The following TMEM135 variants were observed in gnomAD, a reference collection of about 807,000 sequenced individuals.
TMEM135 encodes peroxisomal membrane protein 52.
A neutral mutation model predicts 60.3 loss-of-function variants in TMEM135; 30 were observed. That is an observed-to-expected ratio of 0.50 (90% CI 0.37 to 0.68). The LOEUF (loss-of-function observed/expected upper bound fraction) is 0.68, where lower values mean the gene tolerates loss of function less well. TMEM135 is among the 30% of genes least tolerant of loss of function. The pLI is 0.00. For missense variants in TMEM135, 468 were observed against 548.8 expected (o/e 0.85, Z 1.47); for synonymous variants, 190 against 186.7 (o/e 1.02, Z -0.14).
intron 3 of TMEM135, among the ~76,000 whole-genome samples, chr11:87,082,990 A>G (rs1371812859): frequency 6.6e-6 from 1 of 152,228 alleles, no homozygotes; most frequent in Non-Finnish European, 1.5e-5. Flanking sequence ...ATAGATATAA[A>G]TACATAGATA....
At chr11:87,175,260 C>T (rs1052236602) in intron 5 of TMEM135, among the ~76,000 whole-genome samples, 11 of 152,112 alleles carry the variant, frequency 7.2e-5, no homozygotes, top group Admixed American at 3.3e-4. Flanking sequence ...CATTAAGCTT[C>T]AGAATTTGTA....
chr11:87,315,492 T>C (rs1942712727), intron 12 of TMEM135, among the ~76,000 whole-genome samples: 2 of 151,892 alleles, frequency 1.3e-5, no homozygotes, highest in Admixed American at 1.3e-4. Flanking sequence ...TCAGTGGGCT[T>C]AGGTGTTGAT....
chr11:87,160,159 G>A (rs1374540322), intron 5 of TMEM135, among the ~76,000 whole-genome samples: 2 of 152,160 alleles, frequency 1.3e-5, no homozygotes, highest in African/African-American at 4.8e-5. Context: ...CCAGATACAT[G>A]ATGACAATAA....
chr11:87,060,510 T>C (rs1949935538), intron 1 of TMEM135, among the ~76,000 whole-genome samples: 2 of 152,240 alleles, frequency 1.3e-5, no homozygotes, highest in African/African-American at 4.8e-5. Flanking sequence ...TAAGTGATAA[T>C]TCTCCTTATT....
chr11:87,213,965 G>T (rs1940439329), intron 5 of TMEM135, among the ~76,000 whole-genome samples: 1 of 152,106 alleles, frequency 6.6e-6, no homozygotes, highest in Non-Finnish European at 1.5e-5. Flanking sequence ...CATAACTTCA[G>T]CCTTTGCTTC....
At chr11:87,168,488 G>A (rs1279293246) in intron 5 of TMEM135, among the ~76,000 whole-genome samples, 1 of 152,130 alleles carries the variant, frequency 6.6e-6, no homozygotes, top group Non-Finnish European at 1.5e-5. Flanking sequence ...GTGTCCCAGA[G>A]ATTCTGGTAC....
rs1941215281 is a variant in TMEM135, at chr11:87,244,599, A to G, written c.509+7915A>G. Among the ~76,000 whole-genome samples, 3 of 80,958 alleles carry G rather than the reference A, an allele frequency of 3.7e-5. 1 individual carries two copies. In the South Asian group the frequency reaches 1.2e-3, roughly 33 times the overall value. 53.1% of individuals were successfully genotyped at this position (80,958 alleles called of 152,430 possible). On this transcript the variant is annotated intron_variant, in intron 6 of 14. Transcript: ENST00000305494. ...CTTGGGAGGATGTATGTGTCGAGGA[A>G]TTCATCCATTTCTTCCACATTTTCT...
chr11:87,292,014 A>T (rs1192919367), intron 6 of TMEM135, among the ~76,000 whole-genome samples: 2 of 152,100 alleles, frequency 1.3e-5, no homozygotes, highest in Non-Finnish European at 2.9e-5. Context: ...ATTTTGCTCC[A>T]GCTACAGTAA....
intron 1 of TMEM135, among the ~76,000 whole-genome samples, chr11:87,055,969 GGACAGTTACTCCATA>G (rs1231932750): frequency 1.3e-5 from 2 of 152,108 alleles, no homozygotes; most frequent in Non-Finnish European, 2.9e-5. Context: ...AGTGGTGAAA[GGACAGTTACTCCATA>G]GACAGAGTAG....
chr11:87,323,426 T>A lies in TMEM135; in HGVS notation c.*2093T>A, dbSNP rs779864126. ...CAAACACAAAGAAACTTTGTGTTTT[T>A]GAAGACAATCAGAATGATTACCTTT... On this transcript the variant is annotated 3_prime_UTR_variant, in exon 15 of 15. Transcript: ENST00000305494. 2.2e-6 allele frequency: 1 copy of A among 454,020 alleles called. No homozygotes were observed. The highest frequency in any genetic ancestry group is 4.4e-6 in the Non-Finnish European group (1 of 226,730). The allele number at this position is 454,020 out of a possible 1,614,324, so 28.1% of individuals were successfully genotyped here. A position where few individuals can be genotyped will look rare whatever the true frequency, so the allele number is the denominator to read the frequency against.
chr11:87,116,618 C>T (rs1857887112), intron 4 of TMEM135, among the ~76,000 whole-genome samples: 1 of 101,814 alleles, frequency 9.8e-6, no homozygotes, highest in African/African-American at 3.4e-5. Flanking sequence ...TGTACAAACA[C>T]ACACACACAC....
chr11:87,259,787 T>C (rs1178300955), intron 6 of TMEM135, among the ~76,000 whole-genome samples: 1 of 152,186 alleles, frequency 6.6e-6, no homozygotes, highest in African/African-American at 2.4e-5. Context: ...CTAATAGAAA[T>C]GGGAGAAGCT....
At chr11:87,059,742 A>G (rs1395989046) in intron 1 of TMEM135, among the ~76,000 whole-genome samples, 1 of 152,228 alleles carries the variant, frequency 6.6e-6, no homozygotes, top group Non-Finnish European at 1.5e-5. Flanking sequence ...GGAAACTAGC[A>G]TTTTCAAAAT....
intron 9 of TMEM135, among the ~76,000 whole-genome samples, chr11:87,306,566 G>A (rs1942546923): frequency 1.3e-5 from 2 of 152,208 alleles, no homozygotes; most frequent in South Asian, 4.1e-4. Flanking sequence ...TGACTCCCTA[G>A]TGGACTTGAG....
intron 4 of TMEM135, among the ~76,000 whole-genome samples, chr11:87,109,675 ACTAT>A (rs1857692537): frequency 6.6e-6 from 1 of 152,176 alleles, no homozygotes; most frequent in African/African-American, 2.4e-5. Flanking sequence ...ATAAAGGGGG[ACTAT>A]TATATGTCAG....
intron 6 of TMEM135, among the ~76,000 whole-genome samples, chr11:87,293,362 A>G (rs1942297679): frequency 6.6e-6 from 1 of 151,096 alleles, no homozygotes. Context: ...GCTTAATTGA[A>G]ATTGAGTTTT....
rs1018558366 is a variant in TMEM135 at position 87,243,275 on chromosome 11, G to A, written c.509+6591G>A. Among the ~76,000 whole-genome samples the A allele has an allele frequency of 3.4e-5, 5 of 145,028 alleles. No individual in the cohort carries two copies. The East Asian group carries it at 7.8e-4, about 23-fold the overall frequency. On this transcript the variant is annotated intron_variant, in intron 6 of 14. Coordinates refer to ENST00000305494, the MANE Select transcript of TMEM135 (RefSeq NM_022918.4). ...CTGTAGCCTTGTAGTATAGTTTGAA[G>A]TGAGGTAGCATGATGCCTCCAGCTT...
intron 5 of TMEM135, among the ~76,000 whole-genome samples, chr11:87,202,957 C>T (rs1473741995): frequency 3.5e-5 from 5 of 141,204 alleles, no homozygotes; most frequent in South Asian, 4.6e-4. Context: ...GGCGTGAACC[C>T]GGGAGGCGGA....
intron 6 of TMEM135, among the ~76,000 whole-genome samples, chr11:87,240,931 T>C (rs1291718032): frequency 6.6e-6 from 1 of 152,170 alleles, no homozygotes; most frequent in Non-Finnish European, 1.5e-5. Context: ...TGGGACTGAT[T>C]CACAGTAGAA....
Sources: allele counts gnomAD v4.1 joint callset (sites outside exome capture counted in the v4.1 genomes callset), GRCh38; gene constraint gnomAD v4.1.1; transcripts MANE v1.5; gene names NCBI Gene and HGNC (gene_info 2026-07-23, HGNC 2026-07-21).